TMEM272: variants seen among roughly 807,000 people sequenced by gnomAD.
TMEM272 encodes transmembrane protein 272.
TMEM272 carries 8 observed loss-of-function variants against 3.7 expected under a neutral mutation model. The ratio of observed to expected loss-of-function variants is 2.17; its 90% confidence interval spans 1.27 to 3.91. The LOEUF is 3.91. TMEM272 is among the 30% of genes most tolerant of loss of function. The pLI is 0.00. For missense variants in TMEM272, 166 were observed against 91.5 expected (o/e 1.81, Z -3.32); for synonymous variants, 63 against 39.8 (o/e 1.58, Z -2.20).
At chr13:51,882,767 A>T in the TMEM272 span, among the ~76,000 whole-genome samples, 1 of 151,800 alleles carries the variant, frequency 6.6e-6, no homozygotes, top group East Asian at 1.9e-4. Context: ...AATAAAAAAT[A>T]TAAAATAAAA....
the TMEM272 span, among the ~76,000 whole-genome samples, chr13:51,876,672 T>C: frequency 6.6e-6 from 1 of 152,210 alleles, no homozygotes; most frequent in African/African-American, 2.4e-5. Context: ...AAGCAGGTAA[T>C]AGAGGGTCTG....
chr13:51,908,540 A>G, the TMEM272 span: 5 of 1,470,878 alleles, frequency 3.4e-6, no homozygotes, highest in Non-Finnish European at 4.8e-6. Context: ...CTCTGATTGA[A>G]GCAAGAGGTG....
upstream of TMEM272, among the ~76,000 whole-genome samples, chr13:51,848,138 T>C (rs1489271168): frequency 3.9e-5 from 6 of 152,176 alleles, no homozygotes; most frequent in Non-Finnish European, 7.3e-5. Context: ...TGAAAAGTCA[T>C]GCACGATGTC....
the TMEM272 span, among the ~76,000 whole-genome samples, chr13:51,870,874 C>T: frequency 6.6e-6 from 1 of 152,176 alleles, no homozygotes; most frequent in Non-Finnish European, 1.5e-5. Context: ...CAAACTGCTC[C>T]TCCATTTTGT....
chr13:51,848,852 G>A (rs1326854989), upstream of TMEM272, among the ~76,000 whole-genome samples: 1 of 152,088 alleles, frequency 6.6e-6, no homozygotes. Flanking sequence ...GTCTTTGCTT[G>A]TGTGTTATTC....
intron 1 of TMEM272, among the ~76,000 whole-genome samples, chr13:51,844,312 CTG>C (rs911317742): frequency 1.7e-5 from 2 of 120,704 alleles, no homozygotes; most frequent in Non-Finnish European, 3.5e-5. Flanking sequence ...CCTAAATCAG[CTG>C]TGAGGACCAA....
Position 51,844,155 on chromosome 13 carries a change from T to A in TMEM272, c.-24+861A>T, listed in dbSNP as rs969600865. On this transcript the variant is annotated intron_variant, in intron 1 of 4. Transcript: ENST00000629372. ...AGTTTTAGAGTTCAAATTTGTAAAA[T>A]TCTACTTTTGTTAACCTCTGAGTTG... 4.1e-5 allele frequency among the ~76,000 whole-genome samples: 6 copies of A among 145,506 alleles called. No individual in the cohort carries two copies. The East Asian group carries it at 1.2e-3, about 28-fold the overall frequency.
the TMEM272 span, among the ~76,000 whole-genome samples, chr13:51,852,863 A>G: frequency 2.7e-5 from 4 of 150,604 alleles, no homozygotes; most frequent in South Asian, 8.5e-4. Flanking sequence ...GTCTGGGTAA[A>G]AAGAGCAAAA....
chr13:51,908,443 C>T, the TMEM272 span: 2,842 of 1,510,188 alleles, frequency 1.9e-3, 2 homozygotes, highest in East Asian at 3.8e-3. Context: ...TCTGGAGAAG[C>T]TCCAAACATG....
Position 51,826,749 on chromosome 13 carries a change from CAGG to C in TMEM272, c.59-127_59-125del, listed in dbSNP as rs1956129006. ...TTCTCTCCAGTGGCAAGTCAGCAGA[CAGG>C]AGGAGAAGGTCGCAGCTCGCCTGGG... On this transcript the variant is annotated intron_variant, in intron 2 of 4. Transcript: ENST00000629372. 8 of 661,186 alleles carry C rather than the reference CAGG, an allele frequency of 1.2e-5. No homozygotes were observed. The Middle Eastern group carries it at 8.9e-4, about 73-fold the overall frequency. 41.0% of individuals were successfully genotyped at this position (661,186 alleles called of 1,614,324 possible).
chr13:51,885,865 T>G, the TMEM272 span, among the ~76,000 whole-genome samples: 10 of 152,182 alleles, frequency 6.6e-5, no homozygotes, highest in Non-Finnish European at 1.2e-4. Context: ...CTGTCCCATC[T>G]GAAATCACGC....
chr13:51,866,860 T>C, the TMEM272 span, among the ~76,000 whole-genome samples: 1 of 152,224 alleles, frequency 6.6e-6, no homozygotes, highest in Non-Finnish European at 1.5e-5. Flanking sequence ...AGTCTCATGG[T>C]CCCTGTGTTT....
the TMEM272 span, among the ~76,000 whole-genome samples, chr13:51,886,481 T>G: frequency 6.6e-6 from 1 of 152,192 alleles, no homozygotes. Flanking sequence ...GTCAAGTGAC[T>G]TACTCAAAGT....
At chr13:51,866,044 G>A in the TMEM272 span, 6 of 1,597,828 alleles carry the variant, frequency 3.8e-6, no homozygotes, top group African/African-American at 8.1e-5. Flanking sequence ...CCAACAGAGG[G>A]CAGCGCTTGC....
At chr13:51,865,744 G>C in the TMEM272 span, 2 of 1,614,110 alleles carry the variant, frequency 1.2e-6, no homozygotes, top group South Asian at 2.2e-5. Context: ...AAACTTTCTG[G>C]AAAAAGTACC....
chr13:51,907,735 G>A, the TMEM272 span, among the ~76,000 whole-genome samples: 1 of 152,310 alleles, frequency 6.6e-6, no homozygotes, highest in South Asian at 2.1e-4. Context: ...GGATCTGTGA[G>A]TAACAAACCA....
the TMEM272 span, among the ~76,000 whole-genome samples, chr13:51,857,510 T>A: frequency 6.6e-6 from 1 of 152,158 alleles, no homozygotes; most frequent in East Asian, 1.9e-4. Context: ...AGAAGGGGTA[T>A]AAGTGGAGTT....
At position 51,814,579 on chromosome 13, in the gene TMEM272, T is replaced by A. The variant is rs1040598683; in HGVS notation, c.*2172A>T. The A allele has an allele frequency of 6.6e-6, 1 of 152,236 alleles. No individual in the cohort carries two copies. Among genetic ancestry groups the A allele is most frequent in the Non-Finnish European group, 1.5e-5 (1 of 68,036 alleles). 9.4% of individuals were successfully genotyped at this position (152,236 alleles called of 1,614,324 possible). A position where few individuals can be genotyped will look rare whatever the true frequency, so the allele number is the denominator to read the frequency against. ...ATGTATGACCTATACAAAGAGATCA[T>A]CACCTCTTCCTTACTGCTTTGGTGA... On this transcript the variant is annotated 3_prime_UTR_variant, in exon 5 of 5. Coordinates refer to ENST00000629372, the MANE Select transcript of TMEM272 (RefSeq NM_001351003.2).
At chr13:51,883,676 A>G in the TMEM272 span, among the ~76,000 whole-genome samples, 4 of 152,234 alleles carry the variant, frequency 2.6e-5, no homozygotes, top group African/African-American at 4.8e-5. Context: ...TGGGCCCGGC[A>G]GCTCGGTTTT....
Sources: allele counts gnomAD v4.1 joint callset (sites outside exome capture counted in the v4.1 genomes callset), GRCh38; gene constraint gnomAD v4.1.1; transcripts MANE v1.5; gene names NCBI Gene and HGNC (gene_info 2026-07-23, HGNC 2026-07-21).